Variants in SHROOM4 observed in about 807,000 individuals in gnomAD.
SHROOM4 encodes protein Shroom4.
A neutral mutation model predicts 80.3 loss-of-function variants in SHROOM4; 17 were observed. The ratio of observed to expected loss-of-function variants is 0.21; its 90% CI spans 0.14 to 0.32. SHROOM4 has a LOEUF of 0.32. Among genes scored for constraint, SHROOM4 ranks in the 10% least tolerant of loss-of-function variants. The pLI, the probability that SHROOM4 is intolerant of heterozygous loss-of-function variation, is 1.00. For missense variants in SHROOM4, 993 were observed against 1,140.3 expected, an observed-to-expected ratio of 0.87 and a Z score of 1.86; for synonymous variants, 400 against 437.5, an observed-to-expected ratio of 0.91 and a Z score of 1.07.
At chrX:50,738,281 C>T (rs1436684826) in intron 1 of SHROOM4, among the ~76,000 whole-genome samples, 1 of 111,253 alleles carries the variant, frequency 9.0e-6, no homozygotes, top group Non-Finnish European at 1.9e-5. Flanking sequence ...GACAGGGATG[C>T]CCTCTCTCAT....
chrX:50,652,433 G>C (rs781906220), intron 2 of SHROOM4, among the ~76,000 whole-genome samples: 2 of 111,002 alleles, frequency 1.8e-5, no homozygotes, highest in Admixed American at 9.6e-5. Context: ...TTTTTTTCTT[G>C]TAAATTTGTT....
At position 50,633,633 on chromosome X, in the gene SHROOM4, T is replaced by C. The variant is rs1313449720; in HGVS notation, c.2440A>G (p.Met814Val). 2 of 1,210,356 alleles carry C rather than the reference T, an allele frequency of 1.7e-6. No homozygotes were observed. The highest frequency in any genetic ancestry group is 1.7e-5 in the African/African-American group (1 of 57,218). ...PKPIDQNFQP[M>V]SSSCRELRRH... ...CTCAATTCCCTACAGCTGGAGCTCATTGGCTGGAAGTTTTGGTCTATAGGT... is the reference window on the plus strand; with the variant it reads ...CTCAATTCCCTACAGCTGGAGCTCACTGGCTGGAAGTTTTGGTCTATAGGT... The change falls in exon 4 of 9, where the codon ATG (methionine) becomes GTG (valine). Residue 814 changes from methionine (M) to valine (V), a missense_variant. By Grantham distance (21) the Met-to-Val change is conservative. Coordinates refer to ENST00000376020, the MANE Select transcript of SHROOM4 (RefSeq NM_020717.5).
At chrX:50,603,006 C>A (rs1434433855) in intron 6 of SHROOM4, among the ~76,000 whole-genome samples, 193 bp from the exon 7 acceptor site, 3 of 111,946 alleles carry the variant, frequency 2.7e-5, no homozygotes, top group Admixed American at 9.5e-5. Flanking sequence ...GTTTTAAGAA[C>A]TTAGAAGGCT....
At chrX:50,649,580 A>G (rs1557258388) in intron 2 of SHROOM4, 2 of 112,374 alleles carry the variant, frequency 1.8e-5, no homozygotes, top group Non-Finnish European at 3.8e-5. Flanking sequence ...GGAAATGGGT[A>G]CACACTTGCT....
rs1014975633 is a variant in SHROOM4 at position 50,722,970 on chromosome X, G to A, written c.118-27033C>T. The stretch of plus-strand genomic sequence containing the variant: ...TACCATAAAATTCATCCATTTAAGC[G>A]AAATGCAATGATTGTTTAGTATATT... On this transcript the variant is annotated intron_variant, in intron 1 of 8. Transcript: ENST00000376020. Among the ~76,000 whole-genome samples, 9 of 109,070 alleles carry A rather than the reference G, an allele frequency of 8.3e-5. 1 individual carries two copies. The South Asian group carries it at 2.8e-3, about 35-fold the overall frequency. The allele number at this position is 109,070 out of a possible 115,157, so 94.7% of individuals were successfully genotyped here.
chrX:50,590,819 T>C lies in SHROOM4; in HGVS notation c.*5876A>G, dbSNP rs1196337405. 3.5e-5 allele frequency among the ~76,000 whole-genome samples: 4 copies of C among 112,689 alleles called. No individual in the cohort carries two copies. The highest frequency in any genetic ancestry group is 3.7e-4 in the South Asian group (1 of 2,733). On this transcript the variant is annotated 3_prime_UTR_variant, in exon 9 of 9. Coordinates refer to ENST00000376020, the MANE Select transcript of SHROOM4 (RefSeq NM_020717.5). ...CATTTTTAATTGGTTATTTTTATCA[T>C]TGAGTTGTAAGAGTCCTTTTCATAT...
chrX:50,608,175 A>G lies in SHROOM4; in HGVS notation c.2967T>C (p.Ala989=). 1 of 1,211,912 alleles carries G rather than the reference A, an allele frequency of 8.3e-7. No individual in the cohort carries two copies. The highest frequency in any genetic ancestry group is 1.1e-6 in the Non-Finnish European group (1 of 895,534). ...RKTSQSGREM[A]HSKTSFSWAT... ...CCCATGAAAAGCTAGTCTTGGAATG[A>G]GCCATTTCCCTGCAAAACATCAGAT... is the stretch of plus-strand genomic sequence containing the variant. The change falls in exon 6 of 9, where the codon GCT becomes GCC. Residue 989 remains alanine (A), a synonymous_variant. Transcript: ENST00000376020.
chrX:50,775,547 C>G (rs1292463028), intron 1 of SHROOM4, among the ~76,000 whole-genome samples: 1 of 111,520 alleles, frequency 9.0e-6, no homozygotes. Context: ...TATGGAAAGC[C>G]CTTAACGCCC....
intron 1 of SHROOM4, among the ~76,000 whole-genome samples, chrX:50,812,077 C>T (rs1395524117): frequency 9.1e-6 from 1 of 109,346 alleles, no homozygotes; most frequent in Admixed American, 9.8e-5. Context: ...GGGTGCTTCT[C>T]AAGATGGGTC....
chrX:50,753,950 A>G (rs1934979156), intron 1 of SHROOM4, among the ~76,000 whole-genome samples: 1 of 111,867 alleles, frequency 8.9e-6, no homozygotes, highest in African/African-American at 3.2e-5. Context: ...AAATGGGGCT[A>G]ATTGTCTATT....
At chrX:50,704,411 C>T (rs1226272049) in intron 1 of SHROOM4, among the ~76,000 whole-genome samples, 1 of 111,570 alleles carries the variant, frequency 9.0e-6, no homozygotes, top group Non-Finnish European at 1.9e-5. Context: ...TCAAGTTGAT[C>T]AAAAATGCCT....
the SHROOM4 span, among the ~76,000 whole-genome samples, chrX:50,581,054 G>A: frequency 9.0e-6 from 1 of 111,415 alleles, no homozygotes; most frequent in Non-Finnish European, 1.9e-5. Context: ...AAGCAAAACT[G>A]GACACAGGCT....
chrX:50,582,297 T>C, downstream of SHROOM4, among the ~76,000 whole-genome samples: 1 of 111,821 alleles, frequency 8.9e-6, no homozygotes, highest in Non-Finnish European at 1.9e-5. Flanking sequence ...AAGACCTTGA[T>C]TGCAGTCTTA....
At position 50,811,124 on chromosome X, in the gene SHROOM4, A is replaced by G. The variant is rs1278351639; in HGVS notation, c.117+2778T>C. On this transcript the variant is annotated intron_variant, in intron 1 of 8. Transcript: ENST00000376020. ...GGAGTTGGAGACCAGTTTGGGCAAC[A>G]TGGTGAAATACAAAAATACAAAAAT... is the stretch of plus-strand genomic sequence containing the variant. Among the ~76,000 whole-genome samples, 4 of 110,669 alleles carry G rather than the reference A, an allele frequency of 3.6e-5. No homozygotes were observed. The Admixed American group carries it at 3.9e-4, about 11-fold the overall frequency.
chrX:50,743,774 T>C (rs1442686779), intron 1 of SHROOM4, among the ~76,000 whole-genome samples: 9 of 112,121 alleles, frequency 8.0e-5, no homozygotes, highest in Admixed American at 6.6e-4. Flanking sequence ...AATATTTCTT[T>C]CCGTTTTTCT....
rs782294312 is a variant in SHROOM4 at position 50,633,283 on chromosome X, T to C, written c.2790A>G (p.Gln930=). ...NCYNCRCHHH[Q]CIRCSVCYHN... ...GATAGCAAACTGAACACCGAATGCA[T>C]TGGTGGTGGTGGCACCGGCAGTTGT... Residue 930 remains glutamine (Q), a synonymous_variant, in exon 4 of 9, where the codon CAA becomes CAG. Transcript: ENST00000376020. 3.3e-6 allele frequency: 4 copies of C among 1,211,317 alleles called. No individual in the cohort carries two copies. Among genetic ancestry groups the C allele is most frequent in the Non-Finnish European group, 4.5e-6 (4 of 895,383 alleles).
chrX:50,629,811 C>T (rs1198342725), intron 4 of SHROOM4, among the ~76,000 whole-genome samples: 43 of 111,786 alleles, frequency 3.8e-4, no homozygotes, highest in African/African-American at 1.3e-3. Context: ...CAACCTCGTC[C>T]AGGGGCATTA....
At chrX:50,686,818 A>G (rs1403877890) in intron 2 of SHROOM4, among the ~76,000 whole-genome samples, 1 of 111,533 alleles carries the variant, frequency 9.0e-6, no homozygotes, top group African/African-American at 3.3e-5. Context: ...TGGGCAGGGA[A>G]TGTGTCTATG....
intron 1 of SHROOM4, among the ~76,000 whole-genome samples, chrX:50,745,365 G>A (rs1438400665): frequency 9.0e-6 from 1 of 111,010 alleles, no homozygotes; most frequent in Non-Finnish European, 1.9e-5. Flanking sequence ...GATGAGGAGA[G>A]AATGATATGG....
Sources: gnomAD v4.1 joint callset for allele counts (sites outside exome capture counted in the v4.1 genomes callset) on GRCh38, gnomAD v4.1.1 for gene constraint, MANE v1.5 for transcripts, NCBI Gene and HGNC (gene_info 2026-07-23, HGNC 2026-07-21) for gene names.